Variants in ARID5B observed in about 807,000 individuals in gnomAD.
ARID5B encodes AT-rich interaction domain 5B.
ARID5B carries 13 observed loss-of-function variants against 97.2 expected under a neutral mutation model. That is an observed-to-expected ratio of 0.13 (90% CI 0.09 to 0.21). ARID5B has a LOEUF of 0.21. Ranked by LOEUF, ARID5B falls within the 10% of genes least tolerant of loss-of-function variation. The probability of loss-of-function intolerance (pLI) is 1.00; values close to 1 mark genes in which losing one functional copy is unlikely to be tolerated. For missense variants in ARID5B, 1,210 were observed against 1,465.3 expected (o/e 0.83, Z 2.84); for synonymous variants, 556 against 570.3 (o/e 0.97, Z 0.36).
At chr10:61,907,307 G>A (rs1294119309) in intron 2 of ARID5B, among the ~76,000 whole-genome samples, 3 of 152,148 alleles carry the variant, frequency 2.0e-5, no homozygotes. Flanking sequence ...TTTAGAAGGT[G>A]CTGGATTAGT....
At chr10:62,035,164 G>A (rs976296381) in intron 4 of ARID5B, among the ~76,000 whole-genome samples, 3 of 152,184 alleles carry the variant, frequency 2.0e-5, no homozygotes, top group Admixed American at 6.5e-5. Flanking sequence ...GAAGGTGCTG[G>A]AGATAGGAAG....
At chr10:61,977,696 G>T (rs1838719739) in intron 3 of ARID5B, among the ~76,000 whole-genome samples, 1 of 152,134 alleles carries the variant, frequency 6.6e-6, no homozygotes, top group Non-Finnish European at 1.5e-5. Flanking sequence ...CCCACTTTTT[G>T]ATGGGGTTGT....
chr10:62,059,385 C>T (rs1839894739), intron 7 of ARID5B, 90 bp downstream of exon 7: 1 of 1,045,512 alleles, frequency 9.6e-7, no homozygotes, highest in South Asian at 1.4e-5. Flanking sequence ...AAGGGCAAAA[C>T]ATCACTGACT....
At chr10:61,949,474 C>T (rs764793446) in intron 3 of ARID5B, among the ~76,000 whole-genome samples, 11 of 152,120 alleles carry the variant, frequency 7.2e-5, no homozygotes, top group Non-Finnish European at 1.5e-4. Flanking sequence ...CCGTTTCCTA[C>T]TAAAAATACA....
chr10:61,906,159 A>G (rs1319127708), intron 2 of ARID5B, among the ~76,000 whole-genome samples: 3 of 152,212 alleles, frequency 2.0e-5, no homozygotes, highest in Admixed American at 2.0e-4. Context: ...GTACTTAAAT[A>G]AATAGAAAAT....
At chr10:62,062,884 T>A (rs1261314405) in intron 7 of ARID5B, among the ~76,000 whole-genome samples, 1 of 151,598 alleles carries the variant, frequency 6.6e-6, no homozygotes, top group Non-Finnish European at 1.5e-5. Flanking sequence ...ATGAGTTGCA[T>A]GGGATCATCA....
At chr10:62,007,151 G>A (rs1037494614) in intron 4 of ARID5B, among the ~76,000 whole-genome samples, 1 of 152,152 alleles carries the variant, frequency 6.6e-6, no homozygotes, top group Non-Finnish European at 1.5e-5. Context: ...GGTAGTGGTG[G>A]TGGAGAGAGA....
chr10:61,995,306 G>T (rs1442648019), intron 3 of ARID5B, among the ~76,000 whole-genome samples: 1 of 152,200 alleles, frequency 6.6e-6, no homozygotes, highest in African/African-American at 2.4e-5. Flanking sequence ...TTTATTGGCA[G>T]CCCTTGTTTC....
chr10:61,953,991 A>C (rs1415207583), intron 3 of ARID5B, among the ~76,000 whole-genome samples: 1 of 152,192 alleles, frequency 6.6e-6, no homozygotes, highest in Non-Finnish European at 1.5e-5. Context: ...AAGACATTGA[A>C]ATTGATTGAG....
chr10:62,095,372 A>C lies in ARID5B; in HGVS notation c.*2342A>C, dbSNP rs938218678. 21 of 202,402 alleles carry C rather than the reference A, an allele frequency of 1.0e-4. No homozygotes were observed. The highest frequency in any genetic ancestry group is 1.9e-4 in the Non-Finnish European group (19 of 100,718). 12.5% of individuals were successfully genotyped at this position (202,402 alleles called of 1,614,324 possible). A position where few individuals can be genotyped will look rare whatever the true frequency, so the allele number is the denominator to read the frequency against. On this transcript the variant is annotated 3_prime_UTR_variant, in exon 10 of 10. Transcript: ENST00000279873. ...TGTGGTTTCTATGAGTTCGTGTCTC[A>C]AAAAAAAAAGGAGGGGGGGCATCTG...
intron 4 of ARID5B, among the ~76,000 whole-genome samples, chr10:62,026,240 A>T (rs1281450039): frequency 6.6e-6 from 1 of 152,238 alleles, no homozygotes; most frequent in Non-Finnish European, 1.5e-5. Flanking sequence ...CTTCTCTTCC[A>T]TCATCCTGAG....
At chr10:62,008,275 T>A (rs1313918273) in intron 4 of ARID5B, among the ~76,000 whole-genome samples, 2 of 152,186 alleles carry the variant, frequency 1.3e-5, no homozygotes, top group East Asian at 1.9e-4. Context: ...GTTTCACAGA[T>A]AAGGACACTG....
At chr10:62,012,742 A>G (rs896341971) in intron 4 of ARID5B, among the ~76,000 whole-genome samples, 1 of 152,122 alleles carries the variant, frequency 6.6e-6, no homozygotes, top group African/African-American at 2.4e-5. Context: ...AGAACATTTT[A>G]TTTATGCAAT....
intron 7 of ARID5B, among the ~76,000 whole-genome samples, chr10:62,059,585 T>C (rs1267477485): frequency 6.6e-6 from 1 of 152,216 alleles, no homozygotes; most frequent in South Asian, 2.1e-4. Flanking sequence ...AGGGCTATTA[T>C]TGTACAACAA....
intron 4 of ARID5B, among the ~76,000 whole-genome samples, chr10:62,041,776 C>T (rs1037303853): frequency 6.6e-6 from 1 of 152,196 alleles, no homozygotes; most frequent in Non-Finnish European, 1.5e-5. Context: ...AATGGAATAT[C>T]TCATTTCCAA....
chr10:62,042,112 A>G (rs1255543467), intron 4 of ARID5B, among the ~76,000 whole-genome samples: 2 of 152,250 alleles, frequency 1.3e-5, no homozygotes, highest in African/African-American at 2.4e-5. Flanking sequence ...GCCTTAAGAA[A>G]AAAAGACAAT....
Position 62,092,325 on chromosome 10 carries a change from C to T in ARID5B, c.2862C>T (p.Ala954=). The change falls in exon 10 of 10, where the codon GCC becomes GCT. Residue 954 remains alanine (A), a synonymous_variant. Transcript: ENST00000279873. ...GSQSRDCHPK[A]CRVSPMTMSG... ...AGAGTCGAGACTGTCACCCCAAAGC[C>T]TGTCGGGTATCACCCATGACCATGT... The T allele has an allele frequency of 6.2e-7, 1 of 1,612,990 alleles. No individual in the cohort carries two copies. Among genetic ancestry groups the T allele is most frequent in the Non-Finnish European group, 8.5e-7 (1 of 1,179,488 alleles).
intron 3 of ARID5B, among the ~76,000 whole-genome samples, chr10:61,985,236 C>T (rs765519686): frequency 2.1e-4 from 32 of 151,394 alleles, no homozygotes; most frequent in Non-Finnish European, 4.0e-4. Context: ...AAAGTAATTG[C>T]GGTTTTTGCA....
intron 3 of ARID5B, among the ~76,000 whole-genome samples, chr10:61,979,086 A>G (rs567711616): frequency 6.7e-4 from 102 of 152,310 alleles, no homozygotes; most frequent in African/African-American, 2.2e-3. Context: ...GCCACGACAC[A>G]GAGCTCATCG....
Sources: gnomAD v4.1 joint callset for allele counts (sites outside exome capture counted in the v4.1 genomes callset) on GRCh38, gnomAD v4.1.1 for gene constraint, MANE v1.5 for transcripts, NCBI Gene and HGNC (gene_info 2026-07-23, HGNC 2026-07-21) for gene names.